The following OR51B5 variants were observed in gnomAD, a reference collection of about 807,000 sequenced individuals.
OR51B5 encodes olfactory receptor 51B5.
For missense variants in OR51B5, 456 were observed against 374.6 expected (o/e 1.22, Z -1.79); for synonymous variants, 186 against 144.8 (o/e 1.28, Z -2.04).
chr11:5,443,607 C>T (rs1318924359), intron 1 of OR51B5, among the ~76,000 whole-genome samples: 1 of 151,938 alleles, frequency 6.6e-6, no homozygotes, highest in Non-Finnish European at 1.5e-5. Flanking sequence ...ATAGGTTTAC[C>T]CCCGTCTGTA....
intron 1 of OR51B5, among the ~76,000 whole-genome samples, chr11:5,504,361 G>GCAA (rs1846343490): frequency 6.6e-6 from 1 of 152,052 alleles, no homozygotes; most frequent in African/African-American, 2.4e-5. Flanking sequence ...CAAATCTCTT[G>GCAA]GTCTGAAGAA....
intron 1 of OR51B5, among the ~76,000 whole-genome samples, chr11:5,396,914 T>A (rs1405088752): frequency 7.2e-5 from 11 of 152,322 alleles, no homozygotes; most frequent in Middle Eastern, 3.4e-3. Flanking sequence ...TCTACAACTA[T>A]CTGATCTTTG....
intron 1 of OR51B5, among the ~76,000 whole-genome samples, chr11:5,439,343 C>A (rs1850640226): frequency 6.6e-6 from 1 of 152,128 alleles, no homozygotes; most frequent in South Asian, 2.1e-4. Flanking sequence ...GGTTATAAAT[C>A]TACTCTACTT....
Position 5,365,007 on chromosome 11 carries a change from GCTT to G in OR51B5, n.85-18100_85-18098del, listed in dbSNP as rs373886177. Among the ~76,000 whole-genome samples, 199 of 152,294 alleles carry G rather than the reference GCTT, an allele frequency of 1.3e-3. 2 individuals are homozygous for G. Among genetic ancestry groups the G allele is most frequent in the South Asian group, 4.1e-3 (20 of 4,824 alleles). On this transcript the variant is annotated intron_variant and non_coding_transcript_variant, in intron 1 of 4. Coordinates refer to the OR51B5 transcript ENST00000415970. ...CTACAAGGGGATTTCTCAAGTAACT[GCTT>G]CTTCTTGTCATTCTTGTCACAGCAA... is the stretch of plus-strand genomic sequence containing the variant.
intron 1 of OR51B5, chr11:5,489,716 TAC>T: frequency 1.7e-6 from 2 of 1,166,584 alleles, no homozygotes; most frequent in Admixed American, 3.7e-5. Flanking sequence ...GCTGTCTAGA[TAC>T]ATTTACATGG....
chr11:5,476,958 C>T (rs1231273426), intron 1 of OR51B5, among the ~76,000 whole-genome samples: 1 of 152,164 alleles, frequency 6.6e-6, no homozygotes, highest in African/African-American at 2.4e-5. Context: ...TTCCGTTATA[C>T]AAGATGAATA....
At chr11:5,374,699 G>C (rs986764429) in intron 1 of OR51B5, among the ~76,000 whole-genome samples, 1 of 152,180 alleles carries the variant, frequency 6.6e-6, no homozygotes, top group African/African-American at 2.4e-5. Flanking sequence ...GAAGCCTCAG[G>C]AGCTGATGCG....
intron 1 of OR51B5, chr11:5,488,715 T>C (rs1851531790): frequency 6.2e-7 from 1 of 1,612,146 alleles, no homozygotes; most frequent in African/African-American, 1.3e-5. Context: ...GAATGTCAGA[T>C]TCCAACCTCA....
At chr11:5,432,815 C>T (rs974947466) in intron 1 of OR51B5, among the ~76,000 whole-genome samples, 1 of 152,138 alleles carries the variant, frequency 6.6e-6, no homozygotes, top group African/African-American at 2.4e-5. Context: ...ATGATCTTCT[C>T]TTGTAGTAAG....
intron 1 of OR51B5, among the ~76,000 whole-genome samples, chr11:5,409,884 A>G (rs559070180): frequency 1.8e-4 from 27 of 148,136 alleles, no homozygotes; most frequent in African/African-American, 6.4e-4. Context: ...AAAGAGAAAT[A>G]CACTGAAGTC....
intron 1 of OR51B5, among the ~76,000 whole-genome samples, chr11:5,496,255 G>A (rs366533): frequency 0.68 from 85,969 of 126,772 alleles, 25,534 homozygotes; most frequent in East Asian, 0.76. Context: ...AGGGCCCCTT[G>A]CATGGCATGC....
Position 5,387,217 on chromosome 11 carries a change from CATT to C in OR51B5, n.85-40310_85-40308del, listed in dbSNP as rs1017581004. On this transcript the variant is annotated intron_variant and non_coding_transcript_variant, in intron 1 of 4. Transcript: ENST00000415970. The stretch of plus-strand genomic sequence containing the variant: ...TCAGAAGAGAACCAGCAGATCTTGG[CATT>C]AAGAATTTCTAGAGAGAGCTCTAAA... 5.3e-5 allele frequency among the ~76,000 whole-genome samples: 8 copies of C among 152,024 alleles called. 1 individual carries two copies. Among genetic ancestry groups the C allele is most frequent in the Admixed American group, 5.2e-4 (8 of 15,248 alleles).
chr11:5,430,859 C>G (rs1374801924), intron 1 of OR51B5: 2 of 457,312 alleles, frequency 4.4e-6, no homozygotes, highest in South Asian at 3.1e-5. Flanking sequence ...ATAAGCACTG[C>G]ACAAATATGT....
intron 1 of OR51B5, among the ~76,000 whole-genome samples, chr11:5,467,392 TA>T (rs1851152896): frequency 6.6e-6 from 1 of 152,210 alleles, no homozygotes; most frequent in Non-Finnish European, 1.5e-5. Flanking sequence ...GGCTTTATTT[TA>T]AAAAAGTTAT....
intron 1 of OR51B5, among the ~76,000 whole-genome samples, chr11:5,426,031 T>C (rs1327899762): frequency 6.6e-6 from 1 of 152,170 alleles, no homozygotes; most frequent in African/African-American, 2.4e-5. Context: ...TATTTGGCAA[T>C]TAAAGAGGAA....
chr11:5,460,834 T>C (rs534968839), intron 1 of OR51B5, among the ~76,000 whole-genome samples: 10 of 152,342 alleles, frequency 6.6e-5, no homozygotes, highest in Non-Finnish European at 1.3e-4. Flanking sequence ...GGTAGATGCT[T>C]TCAAAGGGCC....
At chr11:5,441,349 C>A in intron 1 of OR51B5, 1 of 1,613,952 alleles carries the variant, frequency 6.2e-7, no homozygotes, top group Non-Finnish European at 8.5e-7. Flanking sequence ...TGATGCAGAG[C>A]AGGCTCCCAA....
intron 1 of OR51B5, among the ~76,000 whole-genome samples, chr11:5,365,277 G>A (rs922206885): frequency 1.4e-4 from 22 of 152,202 alleles, no homozygotes; most frequent in Non-Finnish European, 2.2e-4. Flanking sequence ...TGAGAACAGT[G>A]TTATTAGAAT....
chr11:5,376,354 A>G (rs1475421863), intron 1 of OR51B5, among the ~76,000 whole-genome samples: 2 of 152,214 alleles, frequency 1.3e-5, no homozygotes. Flanking sequence ...CCCACAAGAG[A>G]AAGCAAGAAA....
Sources: gnomAD v4.1 joint callset for allele counts (sites outside exome capture counted in the v4.1 genomes callset) on GRCh38, gnomAD v4.1.1 for gene constraint, MANE v1.5 for transcripts, NCBI Gene and HGNC (gene_info 2026-07-23, HGNC 2026-07-21) for gene names.